IRS1: variants seen among roughly 807,000 people sequenced by gnomAD.
The protein encoded by IRS1 is insulin receptor substrate 1.
In IRS1, 34 loss-of-function variants were observed where a neutral mutation model predicts 65.6. That is an observed-to-expected ratio of 0.52 (90% CI 0.39 to 0.69). The LOEUF (loss-of-function observed/expected upper bound fraction) is 0.69. IRS1 is among the 30% of genes least tolerant of loss of function. The pLI, the probability that IRS1 is intolerant of heterozygous loss-of-function variation, is 0.00. For synonymous variants in IRS1, 699 were observed against 683.5 expected, an observed-to-expected ratio of 1.02 and a Z score of -0.35; for missense variants, 1,641 against 1,720.2, an observed-to-expected ratio of 0.95 and a Z score of 0.81.
chr2:226,751,901 C>T (rs1277967563), intron 1 of IRS1, among the ~76,000 whole-genome samples: 1 of 152,134 alleles, frequency 6.6e-6, no homozygotes, highest in African/African-American at 2.4e-5. Context: ...GAGACTAGCT[C>T]CCAACTCCAC....
In IRS1 at chr2:226,794,953, AG is replaced by A; in HGVS notation, c.*21+35del. Reference sequence around the variant, plus strand: ...AGAATTCAAGGACAAGGTTAAAAGCAGTTTTGTCTTCTGACTTTGTCACCAT... The same window carrying A: ...AGAATTCAAGGACAAGGTTAAAAGCATTTTGTCTTCTGACTTTGTCACCAT... On this transcript the variant is annotated intron_variant, in intron 1 of 1. Transcript: ENST00000305123. This position sits in a 1 kb window ranked among gnomAD's most constrained non-coding sequence, Gnocchi z 4.1. 6.4e-7 allele frequency: 1 copy of A among 1,561,956 alleles called. No homozygotes were observed. The highest frequency in any genetic ancestry group is 1.1e-5 in the South Asian group (1 of 89,984).
chr2:226,774,353 A>C (rs1490231904), intron 1 of IRS1, among the ~76,000 whole-genome samples: 1 of 152,236 alleles, frequency 6.6e-6, no homozygotes, highest in Non-Finnish European at 1.5e-5. Context: ...AAGGTGGTAC[A>C]TAACCTATAA....
At chr2:226,783,277 A>G (rs899660182) in intron 1 of IRS1, among the ~76,000 whole-genome samples, 1 of 152,236 alleles carries the variant, frequency 6.6e-6, no homozygotes, top group Non-Finnish European at 1.5e-5. Flanking sequence ...ATATAAAAAT[A>G]TGTGTTTCTC....
Position 226,735,486 on chromosome 2 carries a change from G to GA in IRS1, c.*785dup, listed in dbSNP as rs1380752392. 6.6e-6 allele frequency: 1 copy of GA among 152,268 alleles called. No individual in the cohort carries two copies. Among genetic ancestry groups the GA allele is most frequent in the Non-Finnish European group, 1.5e-5 (1 of 67,986 alleles). 9.4% of individuals were successfully genotyped at this position (152,268 alleles called of 1,614,324 possible). A position where few individuals can be genotyped will look rare whatever the true frequency, so the allele number is the denominator to read the frequency against. On this transcript the variant is annotated 3_prime_UTR_variant, in exon 2 of 2. Transcript: ENST00000305123. ...ATTAACATGGCCTATTGTCTTACAG[G>GA]AAAAAATACAAAATTAAGATTAATT...
chr2:226,748,437 A>G (rs965547950), intron 1 of IRS1, among the ~76,000 whole-genome samples: 2 of 151,766 alleles, frequency 1.3e-5, no homozygotes, highest in Non-Finnish European at 2.9e-5. Context: ...TCAAAAAAAA[A>G]AAAAAAAAAA....
At chr2:226,762,446 T>C (rs1938935851) in intron 1 of IRS1, among the ~76,000 whole-genome samples, 1 of 151,968 alleles carries the variant, frequency 6.6e-6, no homozygotes, top group African/African-American at 2.4e-5. Flanking sequence ...ATCTGTATAA[T>C]TTACTCATTG....
At chr2:226,763,776 A>C (rs1938968231) in intron 1 of IRS1, among the ~76,000 whole-genome samples, 1 of 152,130 alleles carries the variant, frequency 6.6e-6, no homozygotes. Context: ...TTAAAAAAAG[A>C]CCCTACATAA....
In IRS1 at chr2:226,796,230, G is replaced by A. The variant is rs368804325; in HGVS notation, c.2509C>T (p.Leu837=). The A allele has an allele frequency of 5.6e-6, 9 of 1,613,326 alleles. No homozygotes were observed. In the African/African-American group the frequency reaches 1.2e-4, roughly 22 times the overall value. The change falls in exon 1 of 2, where the codon CTG becomes TTG. Residue 837 remains leucine, a synonymous_variant. Coordinates refer to ENST00000305123, the MANE Select transcript of IRS1 (RefSeq NM_005544.3). ...PSLPHPHHQV[L]QPHLPRKVDT... ...ACCTTTCGAGGCAGATGGGGCTGCA[G>A]AACCTGATGGTGGGGATGTGGAAGG...
Position 226,797,612 on chromosome 2 carries a change from G to C in IRS1, c.1127C>G (p.Pro376Arg). ...HPPLNHSRSI[P>R]MPASRCSPSA... ...AGGCGAGCAGCGGGAAGCCGGCATGGGGATGGAGCGGCTGTGGTTGAGCGG... is the reference window on the plus strand; with the variant it reads ...AGGCGAGCAGCGGGAAGCCGGCATGCGGATGGAGCGGCTGTGGTTGAGCGG... Residue 376 changes from proline to arginine, a missense_variant, in exon 1 of 2, where the codon CCC (proline) becomes CGC (arginine). Coordinates refer to ENST00000305123, the MANE Select transcript of IRS1 (RefSeq NM_005544.3). The surrounding 1 kb of genome is among the most constrained non-coding windows in gnomAD (Gnocchi z 8.1). The C allele has an allele frequency of 6.3e-7, 1 of 1,588,248 alleles. No homozygotes were observed. The highest frequency in any genetic ancestry group is 8.5e-7 in the Non-Finnish European group (1 of 1,171,608).
intron 1 of IRS1, among the ~76,000 whole-genome samples, chr2:226,788,363 T>C (rs1486189809): frequency 1.3e-5 from 2 of 152,244 alleles, no homozygotes; most frequent in East Asian, 3.9e-4. Context: ...TCTACTGCCA[T>C]TATCAATGGA....
intron 1 of IRS1, among the ~76,000 whole-genome samples, chr2:226,743,316 C>T (rs1417314794): frequency 1.3e-5 from 2 of 151,918 alleles, no homozygotes; most frequent in Non-Finnish European, 2.9e-5. Flanking sequence ...TGCAACCTGC[C>T]CCTCCTGGGT....
At chr2:226,782,263 T>C (rs541098483) in intron 1 of IRS1, among the ~76,000 whole-genome samples, 11 of 152,300 alleles carry the variant, frequency 7.2e-5, no homozygotes, top group Admixed American at 1.3e-4. Flanking sequence ...TTGTTTTGTT[T>C]TGTTCTGTAA....
chr2:226,762,377 A>G (rs1407177478), intron 1 of IRS1, among the ~76,000 whole-genome samples: 2 of 151,278 alleles, frequency 1.3e-5, no homozygotes, highest in East Asian at 3.9e-4. Context: ...AAAAAAAGAG[A>G]GAGAGCAAAT....
rs770949631 is a variant in IRS1, at chr2:226,795,740, C to T, written c.2999G>A (p.Ser1000Asn). The part of the protein sequence containing the change: ...MTMQMSCPRQ[S>N]YVDTSPAAPV... ...GGCAGCTGGCGAGGTGTCCACGTAG[C>T]TCTGACGGGGACAACTCATCTGCAT... Residue 1000 changes from serine to asparagine, a missense_variant, in exon 1 of 2, where the codon AGC (serine) becomes AAC (asparagine). This residue lies in a region of IRS1 where 1,324 missense variants were observed against 1,361.0 expected (regional missense o/e 0.97). Transcript: ENST00000305123. 227 of 1,613,302 alleles carry T rather than the reference C, an allele frequency of 1.4e-4. No individual in the cohort carries two copies. The highest frequency in any genetic ancestry group is 1.9e-4 in the Non-Finnish European group (219 of 1,180,034).
At chr2:226,747,431 C>T (rs1008115332) in intron 1 of IRS1, among the ~76,000 whole-genome samples, 1 of 151,936 alleles carries the variant, frequency 6.6e-6, no homozygotes, top group Non-Finnish European at 1.5e-5. Context: ...TGCTCTCTAC[C>T]ACAGGAGGCT....
In IRS1 at chr2:226,796,289, C is replaced by T. The variant is rs1489905539; in HGVS notation, c.2450G>A (p.Gly817Asp). The T allele has an allele frequency of 6.2e-7, 1 of 1,613,426 alleles. No individual in the cohort carries two copies. The change falls in exon 1 of 2, where the codon GGT (glycine) becomes GAT (aspartate). Residue 817 changes from glycine to aspartate, a missense_variant. Transcript: ENST00000305123. ...CAGCCTAGCCCCGCAGTATCCCCCACCCAGGCTGTCGCTGCTGGTGGAAGA... is the reference window on the plus strand; with the variant it reads ...CAGCCTAGCCCCGCAGTATCCCCCATCCAGGCTGTCGCTGCTGGTGGAAGA... ...SSSSTSSDSL[G>D]GGYCGARLEP...
At chr2:226,791,809 C>T (rs1939613483) in intron 1 of IRS1, among the ~76,000 whole-genome samples, 1 of 152,008 alleles carries the variant, frequency 6.6e-6, no homozygotes, top group South Asian at 2.1e-4. Flanking sequence ...CCTCGCCCGC[C>T]AGCGCCGACC....
In IRS1 at chr2:226,799,287, C is replaced by G. The variant is rs1249151995; in HGVS notation, c.-549G>C. 6 of 1,192,648 alleles carry G rather than the reference C, an allele frequency of 5.0e-6. No individual in the cohort carries two copies. The highest frequency in any genetic ancestry group is 3.4e-5 in the Admixed American group (1 of 29,704). The allele number at this position is 1,192,648 out of a possible 1,614,324, so 73.9% of individuals were successfully genotyped here. A position where few individuals can be genotyped will look rare whatever the true frequency, so the allele number is the denominator to read the frequency against. On this transcript the variant is annotated 5_prime_UTR_variant, in exon 1 of 2. Coordinates refer to ENST00000305123, the MANE Select transcript of IRS1 (RefSeq NM_005544.3). The surrounding 1 kb of genome is among the most constrained non-coding windows in gnomAD (Gnocchi z 6.1). ...TCCCTCCTCCTTCGCCTCCTCCCAC[C>G]CCCCAACCGTCCCAGCCGCCACCAG...
chr2:226,782,838 TA>T (rs1939410203), intron 1 of IRS1, among the ~76,000 whole-genome samples: 2 of 152,054 alleles, frequency 1.3e-5, no homozygotes, highest in Admixed American at 1.3e-4. Context: ...CCGTCTCTAC[TA>T]AAAATACAAA....
Sources: allele counts gnomAD v4.1 joint callset (sites outside exome capture counted in the v4.1 genomes callset), GRCh38; gene constraint gnomAD v4.1.1; regional missense constraint gnomAD v4.1.1; non-coding constraint Gnocchi (gnomAD v3.1); transcripts MANE v1.5; gene names NCBI Gene and HGNC (gene_info 2026-07-23, HGNC 2026-07-21).